SPECC1: variants seen among roughly 807,000 people sequenced by gnomAD.
The protein encoded by SPECC1 is sperm antigen with calponin homology and coiled-coil domains 1.
SPECC1 carries 62 observed loss-of-function variants against 104.1 expected under a neutral mutation model. The ratio of observed to expected loss-of-function variants is 0.60; its 90% CI spans 0.49 to 0.74. SPECC1 has a LOEUF of 0.74. Among genes scored for constraint, SPECC1 ranks in the 30% least tolerant of loss-of-function variants. The pLI, the probability that SPECC1 is intolerant of heterozygous loss-of-function variation, is 0.00. For synonymous variants in SPECC1, 513 were observed against 501.6 expected (o/e 1.02, Z -0.30); for missense variants, 1,306 against 1,310.5 (o/e 1.00, Z 0.05).
At chr17:20,238,785 G>T in intron 7 of SPECC1, 1 of 1,044,566 alleles carries the variant, frequency 9.6e-7, no homozygotes, top group Non-Finnish European at 1.2e-6. Flanking sequence ...AACTTAAAAG[G>T]CACTGCTGTA....
intron 1 of SPECC1, among the ~76,000 whole-genome samples, chr17:20,053,058 C>G (rs1156581858): frequency 1.3e-5 from 2 of 152,182 alleles, no homozygotes; most frequent in Non-Finnish European, 2.9e-5. Flanking sequence ...CCTTTGTCAA[C>G]TATCCCCTAT....
At chr17:20,054,378 G>A (rs1434979053) in intron 1 of SPECC1, among the ~76,000 whole-genome samples, 1 of 152,062 alleles carries the variant, frequency 6.6e-6, no homozygotes, top group African/African-American at 2.4e-5. Context: ...AATCTCCCAC[G>A]GCTTTTCTTC....
intron 14 of SPECC1, among the ~76,000 whole-genome samples, chr17:20,313,549 G>A (rs1005849669): frequency 9.9e-5 from 15 of 152,224 alleles, no homozygotes; most frequent in Admixed American, 2.6e-4. Flanking sequence ...ACGGGGACCC[G>A]GGTGTGAAAT....
At chr17:20,012,186 T>G (rs750080723) in intron 1 of SPECC1, among the ~76,000 whole-genome samples, 5 of 152,156 alleles carry the variant, frequency 3.3e-5, no homozygotes, top group Non-Finnish European at 7.4e-5. Flanking sequence ...TAAGAACAGA[T>G]TAATTTGCAG....
intron 1 of SPECC1, among the ~76,000 whole-genome samples, chr17:20,068,268 C>A (rs1597643703): frequency 6.6e-6 from 1 of 152,180 alleles, no homozygotes; most frequent in African/African-American, 2.4e-5. Context: ...GCCTGTGTGG[C>A]TCCTTTTGTT....
intron 3 of SPECC1, among the ~76,000 whole-genome samples, chr17:20,146,607 A>C (rs1160881195): frequency 4.6e-5 from 7 of 152,298 alleles, no homozygotes; most frequent in East Asian, 1.9e-4. Flanking sequence ...GAATATGTTT[A>C]GTTTTGTAAG....
At chr17:20,212,906 TTGTA>T (rs1301824630) in intron 4 of SPECC1, among the ~76,000 whole-genome samples, 9 of 152,160 alleles carry the variant, frequency 5.9e-5, no homozygotes, top group Non-Finnish European at 1.0e-4. Context: ...TTTGGGCTAT[TTGTA>T]TGTGCTAAGC....
At chr17:20,254,134 CGT>C (rs71357419) in intron 10 of SPECC1, among the ~76,000 whole-genome samples, 30,209 of 135,676 alleles carry the variant, frequency 0.22, 3,367 homozygotes, top group East Asian at 0.36. Context: ...GTTGTTACAC[CGT>C]GTGTGTGTGT....
chr17:20,232,091 G>A lies in SPECC1; in HGVS notation c.2146-109G>A, dbSNP rs2038618605. 3.1e-6 allele frequency: 4 copies of A among 1,306,686 alleles called. No homozygotes were observed. In the East Asian group the frequency reaches 6.9e-5, roughly 23 times the overall value. 80.9% of individuals were successfully genotyped at this position (1,306,686 alleles called of 1,614,324 possible). A position where few individuals can be genotyped will look rare whatever the true frequency, so the allele number is the denominator to read the frequency against. ...CACCGTGTAAGCAGGGCCTCACCAA[G>A]CACTGATGGCATTTTTTTCTTGGTG... On this transcript the variant is annotated intron_variant, in intron 6 of 14. Transcript: ENST00000395527.
intron 3 of SPECC1, among the ~76,000 whole-genome samples, chr17:20,169,685 A>G (rs7219613): frequency 0.038 from 5,825 of 152,056 alleles, 365 homozygotes; most frequent in African/African-American, 0.13. Flanking sequence ...ATTTTTTCCC[A>G]AGAGACAGGG....
intron 1 of SPECC1, among the ~76,000 whole-genome samples, chr17:20,070,944 A>G (rs928081422): frequency 1.1e-4 from 16 of 151,886 alleles, no homozygotes; most frequent in Admixed American, 8.5e-4. Context: ...ATAATCTCCT[A>G]TATTTTCTTT....
intron 3 of SPECC1, among the ~76,000 whole-genome samples, chr17:20,121,644 A>C (rs1406004359): frequency 6.6e-6 from 1 of 152,104 alleles, no homozygotes; most frequent in Non-Finnish European, 1.5e-5. Flanking sequence ...TCCAGTTCTT[A>C]TTATTCTTTT....
At chr17:20,027,435 G>A (rs1406198674) in intron 1 of SPECC1, among the ~76,000 whole-genome samples, 2 of 151,992 alleles carry the variant, frequency 1.3e-5, no homozygotes, top group African/African-American at 4.8e-5. Context: ...TTAATAAAGT[G>A]CTATTTTTCC....
chr17:20,032,493 A>G (rs983388765), intron 1 of SPECC1, among the ~76,000 whole-genome samples: 2 of 152,000 alleles, frequency 1.3e-5, no homozygotes, highest in African/African-American at 4.8e-5. Context: ...AATAATGTCT[A>G]TTGAAGTATA....
intron 1 of SPECC1, among the ~76,000 whole-genome samples, chr17:20,076,060 T>C (rs1434760746): frequency 6.6e-6 from 1 of 152,172 alleles, no homozygotes; most frequent in South Asian, 2.1e-4. Context: ...AAGGTTACAA[T>C]GAACTATGAT....
In SPECC1 at chr17:20,148,782, C is replaced by T. The variant is rs969760550; in HGVS notation, c.283+38220C>T. Among the ~76,000 whole-genome samples the T allele has an allele frequency of 3.0e-4, 45 of 152,128 alleles. 2 individuals carry two copies. The highest frequency in any genetic ancestry group is 5.9e-5 in the Non-Finnish European group (4 of 67,982). ...TTGCCCAGGCTGGAGTGCAGTGGCG[C>T]GTTCTCGGCTCACTGCAGCCTCTGC... On this transcript the variant is annotated intron_variant, in intron 3 of 14. Coordinates refer to ENST00000395527, the MANE Select transcript of SPECC1 (RefSeq NM_001243439.2).
chr17:20,251,850 C>T (rs924191904), intron 9 of SPECC1, among the ~76,000 whole-genome samples: 5 of 152,234 alleles, frequency 3.3e-5, no homozygotes, highest in African/African-American at 1.2e-4. Flanking sequence ...AGTATCGTTG[C>T]CATTTTATAA....
chr17:20,093,275 G>A (rs1453568341), intron 1 of SPECC1, among the ~76,000 whole-genome samples: 1 of 152,188 alleles, frequency 6.6e-6, no homozygotes, highest in African/African-American at 2.4e-5. Flanking sequence ...CTTGGTGGAA[G>A]GGGCAAACAA....
chr17:20,313,602 A>G (rs567417862), intron 14 of SPECC1, among the ~76,000 whole-genome samples: 1 of 152,254 alleles, frequency 6.6e-6, no homozygotes. Flanking sequence ...TAGCGCGTGC[A>G]GTGTGCTGGG....
Sources: allele counts gnomAD v4.1 joint callset (sites outside exome capture counted in the v4.1 genomes callset), GRCh38; gene constraint gnomAD v4.1.1; transcripts MANE v1.5; gene names NCBI Gene and HGNC (gene_info 2026-07-23, HGNC 2026-07-21).